The following NCOR2 variants were observed in gnomAD, a reference collection of about 807,000 sequenced individuals.
The protein encoded by NCOR2 is nuclear receptor corepressor 2.
NCOR2 carries 81 observed loss-of-function variants against 262.9 expected under a neutral mutation model. The ratio of observed to expected loss-of-function variants is 0.31; its 90% CI spans 0.26 to 0.37. The LOEUF (loss-of-function observed/expected upper bound fraction) is 0.37, where lower values mean the gene tolerates loss of function less well. NCOR2 is among the 10% of genes least tolerant of loss of function. NCOR2 has a pLI of 1.00. For synonymous variants in NCOR2, 1,659 were observed against 1,559.3 expected (o/e 1.06, Z -1.51); for missense variants, 3,385 against 3,621.4 (o/e 0.93, Z 1.68).
intron 1 of NCOR2, among the ~76,000 whole-genome samples, chr12:124,509,088 A>C (rs1482322070): frequency 6.6e-6 from 1 of 152,130 alleles, no homozygotes; most frequent in Non-Finnish European, 1.5e-5. Context: ...CAACACAGGG[A>C]GCAAGACACA....
chr12:124,442,130 T>A (rs1267225934), intron 7 of NCOR2, among the ~76,000 whole-genome samples: 2 of 152,048 alleles, frequency 1.3e-5, no homozygotes, highest in Non-Finnish European at 2.9e-5. Context: ...TTCTTAGTAT[T>A]TTGTTTTGTT....
At chr12:124,498,540 A>G (rs2048498887), upstream of NCOR2, among the ~76,000 whole-genome samples, 1 of 152,184 alleles carries the variant, frequency 6.6e-6, no homozygotes, top group Non-Finnish European at 1.5e-5. Flanking sequence ...CCCAGTTTCC[A>G]ACCCCTCCCG....
chr12:124,338,556 A>AC (rs1414667816), intron 37 of NCOR2, among the ~76,000 whole-genome samples: 2 of 148,998 alleles, frequency 1.3e-5, no homozygotes, highest in African/African-American at 2.5e-5. Flanking sequence ...TTGAGGTGTG[A>AC]CCCCACCCCC....
At chr12:124,565,419 C>A (rs375133976) in intron 1 of NCOR2, among the ~76,000 whole-genome samples, 15 of 152,172 alleles carry the variant, frequency 9.9e-5, no homozygotes, top group Admixed American at 3.3e-4. Context: ...CTCCACCCCC[C>A]CTTCATTGCT....
intron 44 of NCOR2, chr12:124,328,461 A>G (rs1329393761): frequency 6.6e-6 from 1 of 152,550 alleles, no homozygotes; most frequent in Admixed American, 6.5e-5. Flanking sequence ...ACCGGTCCCA[A>G]GAGGATGCTT....
chr12:124,501,378 C>T (rs565496864), intron 1 of NCOR2, among the ~76,000 whole-genome samples: 3 of 152,132 alleles, frequency 2.0e-5, no homozygotes, highest in African/African-American at 7.2e-5. Flanking sequence ...TTAGCGCCCT[C>T]GGCTGCCCCA....
intron 16 of NCOR2, among the ~76,000 whole-genome samples, chr12:124,396,579 A>G (rs963948223): frequency 2.6e-5 from 4 of 151,854 alleles, no homozygotes; most frequent in Admixed American, 6.5e-5. Flanking sequence ...CATGCCTCTC[A>G]CTCACCACAC....
intron 1 of NCOR2, among the ~76,000 whole-genome samples, chr12:124,550,542 T>A (rs1409970686): frequency 6.6e-6 from 1 of 152,054 alleles, no homozygotes; most frequent in African/African-American, 2.4e-5. Context: ...TTCCTTTTCA[T>A]CAGAAACTAC....
chr12:124,548,792 T>G lies in NCOR2; in HGVS notation c.-164-13181A>C, dbSNP rs10773092. Among the ~76,000 whole-genome samples, 49,194 of 151,818 alleles carry G rather than the reference T, an allele frequency of 0.32. 8,194 individuals carry two copies. The highest frequency in any genetic ancestry group is 0.45 in the East Asian group (2,323 of 5,134). On this transcript the variant is annotated intron_variant, in intron 1 of 32. Coordinates refer to the NCOR2 transcript ENST00000458234. The surrounding 1 kb of genome is among the most constrained non-coding windows in gnomAD (Gnocchi z 5.1). ...TCACCCTCCCTACACAGTTTTCAAA[T>G]GACCTGGCCATTCAAAAAAACCTGC...
At chr12:124,524,701 T>C (rs975060436) in intron 1 of NCOR2, among the ~76,000 whole-genome samples, 2 of 152,198 alleles carry the variant, frequency 1.3e-5, no homozygotes, top group Admixed American at 6.5e-5. Context: ...GAGCCCTAAC[T>C]AACTGCCCCT....
chr12:124,534,885 C>T (rs748035623), intron 1 of NCOR2, among the ~76,000 whole-genome samples: 3 of 152,170 alleles, frequency 2.0e-5, no homozygotes, highest in African/African-American at 4.8e-5. Context: ...GTGAAAAGCA[C>T]GACCTGTGAT....
chr12:124,424,757 T>C (rs1252869886), intron 11 of NCOR2, among the ~76,000 whole-genome samples: 1 of 152,146 alleles, frequency 6.6e-6, no homozygotes, highest in Admixed American at 6.5e-5. Flanking sequence ...GGAGTGTCAT[T>C]GCTTTGGAGG....
rs187742003 is a variant in NCOR2 at position 124,489,270 on chromosome 12, A to C, written c.106-2702T>G. On this transcript the variant is annotated intron_variant, in intron 1 of 46. Transcript: ENST00000405201. ...ACATTAATCATAAAAAACAACAATA[A>C]TACCCCACAGTAATAAATTGCCTTT... is the stretch of plus-strand genomic sequence containing the variant. Among the ~76,000 whole-genome samples the C allele has an allele frequency of 3.9e-3, 598 of 152,228 alleles. 3 individuals carry two copies. The highest frequency in any genetic ancestry group is 6.8e-3 in the Non-Finnish European group (460 of 68,006).
At chr12:124,385,402 C>CTGGCTGACTGGCTGA in intron 17 of NCOR2, among the ~76,000 whole-genome samples, 1 of 152,204 alleles carries the variant, frequency 6.6e-6, no homozygotes, top group Non-Finnish European at 1.5e-5. Flanking sequence ...AGCCCGAATT[C>CTGGCTGACTGGCTGA]CTGGCTGAGT....
intron 13 of NCOR2, among the ~76,000 whole-genome samples, chr12:124,417,192 C>CACTCACTCCACGGACAGCAGGCCGGAT (rs2042944188): frequency 6.7e-6 from 1 of 149,076 alleles, no homozygotes; most frequent in South Asian, 2.1e-4. Flanking sequence ...GCAGGCCGGA[C>CACTCACTCCACGGACAGCAGGCCGGAT]ACTCACTCCA....
chr12:124,466,059 G>A (rs2046401177), intron 5 of NCOR2, 114 bp downstream of exon 7: 10 of 1,012,680 alleles, frequency 9.9e-6, no homozygotes, highest in Non-Finnish European at 1.4e-5. Flanking sequence ...GGGAGAGGGT[G>A]GCGAGGTCCC....
intron 13 of NCOR2, among the ~76,000 whole-genome samples, chr12:124,419,582 T>A (rs1304558663): frequency 6.6e-6 from 1 of 152,244 alleles, no homozygotes; most frequent in Non-Finnish European, 1.5e-5. Flanking sequence ...ACATGAAGTT[T>A]GTGAACTACC....
At chr12:124,447,698 CTTT>C (rs549662911) in intron 7 of NCOR2, among the ~76,000 whole-genome samples, 4 of 145,992 alleles carry the variant, frequency 2.7e-5, no homozygotes, top group Non-Finnish European at 6.1e-5. Flanking sequence ...TTCTTTCTTT[CTTT>C]TTTTTTTTTA....
At chr12:124,349,932 C>G (rs967336749) in intron 28 of NCOR2, among the ~76,000 whole-genome samples, 1 of 152,162 alleles carries the variant, frequency 6.6e-6, no homozygotes, top group Non-Finnish European at 1.5e-5. Flanking sequence ...TGTTCCTAAG[C>G]CACACGGTGC....
Sources: gnomAD v4.1 joint callset for allele counts (sites outside exome capture counted in the v4.1 genomes callset) on GRCh38, gnomAD v4.1.1 for gene constraint, Gnocchi (gnomAD v3.1) non-coding constraint, MANE v1.5 for transcripts, NCBI Gene and HGNC (gene_info 2026-07-23, HGNC 2026-07-21) for gene names.